RAB6B: variants seen among roughly 807,000 people sequenced by gnomAD.
RAB6B encodes the protein ras-related protein Rab-6B.
In RAB6B, 7 loss-of-function variants were observed where a neutral mutation model predicts 31.2. The observed-to-expected ratio is 0.22, with a 90% CI of 0.13 to 0.42. The LOEUF is 0.42. Ranked by LOEUF, RAB6B falls within the 10% of genes least tolerant of loss-of-function variation. The pLI is 1.00. For synonymous variants in RAB6B, 105 were observed against 104.9 expected (o/e 1.00, Z -0.01); for missense variants, 149 against 280.6 (o/e 0.53, Z 3.35).
chr3:133,895,362 C>A, intron 1 of RAB6B, 35 bp downstream of exon 1: 2 of 1,601,442 alleles, frequency 1.2e-6, no homozygotes, highest in Middle Eastern at 1.7e-4. Context: ...GGGGTCGACT[C>A]GGCGACAAGC....
At chr3:133,892,622 C>A (rs949727727) in intron 1 of RAB6B, among the ~76,000 whole-genome samples, 2 of 152,198 alleles carry the variant, frequency 1.3e-5, no homozygotes, top group African/African-American at 4.8e-5. Flanking sequence ...AAGCCACATC[C>A]CTCCAGCTCC....
At chr3:133,836,702 GC>G (rs1559900183) in intron 6 of RAB6B, among the ~76,000 whole-genome samples, 1 of 152,020 alleles carries the variant, frequency 6.6e-6, no homozygotes, top group African/African-American at 2.4e-5. Context: ...AAGAGTAGCA[GC>G]CCAGTCTCTC....
intron 1 of RAB6B, among the ~76,000 whole-genome samples, chr3:133,892,041 G>A (rs949745784): frequency 4.6e-5 from 7 of 152,124 alleles, no homozygotes; most frequent in African/African-American, 9.7e-5. Flanking sequence ...CCTAAAAGCC[G>A]ACAGAATGCC....
chr3:133,865,233 C>G (rs1936221138), intron 1 of RAB6B, among the ~76,000 whole-genome samples: 1 of 152,208 alleles, frequency 6.6e-6, no homozygotes, highest in East Asian at 1.9e-4. Context: ...TGGAACCCCG[C>G]TAGGTAAATG....
At chr3:133,874,813 T>TA (rs1046865783) in intron 1 of RAB6B, among the ~76,000 whole-genome samples, 67 of 148,832 alleles carry the variant, frequency 4.5e-4, no homozygotes, top group Non-Finnish European at 7.4e-4. Context: ...TTTTTTTTTT[T>TA]ACCTTTTAAA....
At chr3:133,838,065 T>C in intron 6 of RAB6B, 101 bp downstream of exon 6, 5 of 1,244,988 alleles carry the variant, frequency 4.0e-6, no homozygotes, top group East Asian at 4.7e-5. Context: ...CCCAATCCCA[T>C]CACCAGCCCT....
chr3:133,833,546 C>G (rs1271314776), intron 7 of RAB6B, among the ~76,000 whole-genome samples: 2 of 152,204 alleles, frequency 1.3e-5, no homozygotes, highest in Non-Finnish European at 2.9e-5. Context: ...CCTGGGACTC[C>G]TGGTGTCCTG....
rs1935528961 is a variant in RAB6B, at chr3:133,824,693, T to C, written c.*4095A>G. 6.6e-6 allele frequency: 1 copy of C among 152,142 alleles called. No homozygotes were observed. Among genetic ancestry groups the C allele is most frequent in the African/African-American group, 2.4e-5 (1 of 41,378 alleles). The allele number at this position is 152,142 out of a possible 1,614,324, so 9.4% of individuals were successfully genotyped here. ...CCATGACAATCAATCAGAGTAGACT[T>C]GGGGACTGGCCCTTGTGCAGTAGAG... On this transcript the variant is annotated 3_prime_UTR_variant, in exon 8 of 8. Coordinates refer to ENST00000285208, the MANE Select transcript of RAB6B (RefSeq NM_016577.4).
intron 2 of RAB6B, among the ~76,000 whole-genome samples, chr3:133,855,585 G>A (rs903503758): frequency 1.3e-5 from 2 of 152,220 alleles, no homozygotes; most frequent in African/African-American, 4.8e-5. Context: ...AGCTCCCTGA[G>A]AGGCCTCCCA....
chr3:133,876,156 T>A (rs139860854), intron 1 of RAB6B, among the ~76,000 whole-genome samples: 5 of 152,186 alleles, frequency 3.3e-5, no homozygotes, highest in Admixed American at 3.3e-4. Flanking sequence ...GGCAAATAAC[T>A]GAGGCTTCTC....
At chr3:133,840,293 T>C (rs1269028235) in intron 4 of RAB6B, among the ~76,000 whole-genome samples, 1 of 152,192 alleles carries the variant, frequency 6.6e-6, no homozygotes, top group African/African-American at 2.4e-5. Flanking sequence ...TGATAGGCCT[T>C]GCAGGGCAGA....
rs79038862 is a variant in RAB6B at position 133,853,721 on chromosome 3, C to A, written c.129+10863G>T. 2.1e-3 allele frequency among the ~76,000 whole-genome samples: 327 copies of A among 152,280 alleles called. 1 individual carries two copies. The highest frequency in any genetic ancestry group is 2.5e-3 in the Non-Finnish European group (167 of 68,020). On this transcript the variant is annotated intron_variant, in intron 2 of 7. Transcript: ENST00000285208. ...GGAGTGTCCTGGAAAAATGGCTTAG[C>A]TTCCCTGGCCCTTGGCTTCCTCATC...
In RAB6B at chr3:133,887,622, T is replaced by C. The variant is rs967152310; in HGVS notation, c.70+7775A>G. On this transcript the variant is annotated intron_variant, in intron 1 of 7. Coordinates refer to ENST00000285208, the MANE Select transcript of RAB6B (RefSeq NM_016577.4). ...TGGCCCAAGGGGTCACCCAGCCCAG[T>C]AGCCTTGAGGGGATACACGGAGAAA... Among the ~76,000 whole-genome samples, 8 of 152,220 alleles carry C rather than the reference T, an allele frequency of 5.3e-5. No individual in the cohort carries two copies. The East Asian group carries it at 1.4e-3, about 26-fold the overall frequency.
chr3:133,826,737 T>C lies in RAB6B; in HGVS notation c.*2051A>G, dbSNP rs1244873582. On this transcript the variant is annotated 3_prime_UTR_variant, in exon 8 of 8. Transcript: ENST00000285208. ...AGTTTAACACAACTATGCATTATTTTATTGATGGCAAGACAATCACAAGTT... is the reference window on the plus strand; with the variant it reads ...AGTTTAACACAACTATGCATTATTTCATTGATGGCAAGACAATCACAAGTT... 2 of 152,654 alleles carry C rather than the reference T, an allele frequency of 1.3e-5. No individual in the cohort carries two copies. Among genetic ancestry groups the C allele is most frequent in the Non-Finnish European group, 2.9e-5 (2 of 68,050 alleles). 9.5% of individuals were successfully genotyped at this position (152,654 alleles called of 1,614,324 possible).
chr3:133,864,484 G>A, intron 2 of RAB6B, 100 bp downstream of exon 2: 2 of 1,219,728 alleles, frequency 1.6e-6, no homozygotes, highest in Non-Finnish European at 2.4e-6. Context: ...ATGACAGCCT[G>A]GGAACCCAGG....
intron 7 of RAB6B, among the ~76,000 whole-genome samples, chr3:133,830,940 C>T (rs1173159730): frequency 6.6e-6 from 1 of 152,162 alleles, no homozygotes; most frequent in African/African-American, 2.4e-5. Context: ...TTATGGTGAG[C>T]CAAAACGTCT....
intron 7 of RAB6B, among the ~76,000 whole-genome samples, chr3:133,833,520 T>TC (rs1177016037): frequency 6.6e-6 from 1 of 152,076 alleles, no homozygotes; most frequent in African/African-American, 2.4e-5. Flanking sequence ...TGTGTCAGGC[T>TC]CCCCCTTGCT....
chr3:133,860,358 C>T lies in RAB6B; in HGVS notation c.129+4226G>A, dbSNP rs533085663. Among the ~76,000 whole-genome samples, 14 of 152,168 alleles carry T rather than the reference C, an allele frequency of 9.2e-5. No homozygotes were observed. The South Asian group carries it at 1.5e-3, about 16-fold the overall frequency. On this transcript the variant is annotated intron_variant, in intron 2 of 7. Coordinates refer to ENST00000285208, the MANE Select transcript of RAB6B (RefSeq NM_016577.4). ...ACAGGAGGCCTGCTGAAGACAGAGG[C>T]GGAGAGTGGAGTGATACAGCCACTA...
intron 7 of RAB6B, among the ~76,000 whole-genome samples, chr3:133,829,859 C>T (rs1166808494): frequency 1.3e-5 from 2 of 152,214 alleles, no homozygotes; most frequent in East Asian, 1.9e-4. Context: ...CCATGGCATA[C>T]ATTTTGAGTA....
Sources: allele counts gnomAD v4.1 joint callset (sites outside exome capture counted in the v4.1 genomes callset), GRCh38; gene constraint gnomAD v4.1.1; transcripts MANE v1.5; gene names NCBI Gene and HGNC (gene_info 2026-07-23, HGNC 2026-07-21).